CLCN7: variants seen among roughly 807,000 people sequenced by gnomAD.
CLCN7 encodes Cl-/H+ antiporter 7.
CLCN7 carries 60 observed loss-of-function variants against 102.1 expected under a neutral mutation model. The observed-to-expected ratio is 0.59, with a 90% confidence interval of 0.48 to 0.73. The LOEUF (loss-of-function observed/expected upper bound fraction) is 0.73. CLCN7 is among the 30% of genes least tolerant of loss of function. CLCN7 has a pLI of 0.00. For missense variants in CLCN7, 962 were observed against 1,125.7 expected, an observed-to-expected ratio of 0.85 and a Z score of 2.08; for synonymous variants, 560 against 490.5, an observed-to-expected ratio of 1.14 and a Z score of -1.87.
rs1443985715 is a variant in CLCN7 at position 1,446,395 on chromosome 16, A to C, written c.*236T>G. ...TGGAGGTAAAGAAACCTAGACGAGG[A>C]GAGTGGAGGCTGGGCCTGCGCAAGG... is the stretch of plus-strand genomic sequence containing the variant. On this transcript the variant is annotated 3_prime_UTR_variant, in exon 25 of 25. Transcript: ENST00000382745. The C allele has an allele frequency of 1.4e-6, 1 of 702,238 alleles. No individual in the cohort carries two copies. The highest frequency in any genetic ancestry group is 2.6e-6 in the Non-Finnish European group (1 of 384,816). 43.5% of individuals were successfully genotyped at this position (702,238 alleles called of 1,614,324 possible).
In CLCN7 at chr16:1,449,034, C is replaced by T. The variant is rs771604430; in HGVS notation, c.1729G>A (p.Val577Met). 7 of 1,612,888 alleles carry T rather than the reference C, an allele frequency of 4.3e-6. No individual in the cohort carries two copies. Among genetic ancestry groups the T allele is most frequent in the East Asian group, 2.2e-5 (1 of 44,876 alleles). The change falls in exon 19 of 25, where the codon GTG becomes ATG. Residue 577 changes from valine to methionine, a missense_variant. Physicochemically the swap from Val to Met is conservative, Grantham distance 21 (BLOSUM62 1). Around this residue, in one of 2 missense-constraint regions of CLCN7, gnomAD observed 799 missense variants for 988.0 expected, o/e 0.81. Transcript: ENST00000382745. ...AGCATGATGGGGAAGCCGTAGGTCA[C>T]GTTGCTGGTGGCCTCCATCATGATG... ...TVIMMEATSNVTYGFPIMLVL... is the reference protein window; with the variant it reads ...TVIMMEATSNMTYGFPIMLVL...
intron 21 of CLCN7, 67 bp from the exon 22 acceptor site, chr16:1,447,781 C>T (rs1371474603): frequency 2.8e-5 from 42 of 1,505,390 alleles, no homozygotes; most frequent in African/African-American, 4.2e-5. Context: ...AATGCTGTGT[C>T]GGGCCCCGCT....
In CLCN7 at chr16:1,446,671, C is replaced by A; in HGVS notation, c.2378G>T (p.Gly793Val). ...TRKDLARYRLGKRGLEELSLA... is the reference protein window; with the variant it reads ...TRKDLARYRLVKRGLEELSLA... Reference sequence around the variant, plus strand: ...CGAGAGCTCCTCCAAGCCTCTCTTTCCCAGGCGGTACCTGGCGAGGTCCTT... The same window carrying A: ...CGAGAGCTCCTCCAAGCCTCTCTTTACCAGGCGGTACCTGGCGAGGTCCTT... Residue 793 changes from glycine to valine, a missense_variant, in exon 25 of 25, where the codon GGA (glycine) becomes GTA (valine). Coordinates refer to ENST00000382745, the MANE Select transcript of CLCN7 (RefSeq NM_001287.6). 1 of 1,586,686 alleles carries A rather than the reference C, an allele frequency of 6.3e-7. No homozygotes were observed. Among genetic ancestry groups the A allele is most frequent in the Admixed American group, 1.7e-5 (1 of 57,424 alleles).
intron 14 of CLCN7, among the ~76,000 whole-genome samples, chr16:1,453,390 A>G (rs1318613529): frequency 2.0e-5 from 3 of 152,186 alleles, no homozygotes; most frequent in Non-Finnish European, 1.5e-5. Context: ...ACTCCTCGGC[A>G]GCAACTTCTC....
At chr16:1,451,602 A>G (rs1275713950) in intron 16 of CLCN7, 21 bp downstream of exon 16, 1 of 1,603,962 alleles carries the variant, frequency 6.2e-7, no homozygotes, top group Admixed American at 1.7e-5. Context: ...GGGCCTGCCC[A>G]GCGGCACTGC....
At chr16:1,470,239 C>T (rs1418077175) in intron 1 of CLCN7, among the ~76,000 whole-genome samples, 1 of 152,236 alleles carries the variant, frequency 6.6e-6, no homozygotes, top group East Asian at 1.9e-4. Context: ...TCAAATAATC[C>T]TTCCGCCTTG....
In CLCN7 at chr16:1,449,300, G is replaced by A; in HGVS notation, c.1645C>T (p.Leu549=). The stretch of plus-strand genomic sequence containing the variant: ...CCCAGCTGGGCAGCAGCTCCCATCA[G>A]GGCGTATTTGCCGGGGTCCGCCCAG... ...AIWADPGKYA[L]MGAAAQLGGI... Residue 549 remains leucine (L), a synonymous_variant, in exon 18 of 25, where the codon CTG becomes TTG. Transcript: ENST00000382745. 1.9e-6 allele frequency: 3 copies of A among 1,589,038 alleles called. No individual in the cohort carries two copies. The highest frequency in any genetic ancestry group is 2.6e-6 in the Non-Finnish European group (3 of 1,168,072).
chr16:1,454,867 G>A (rs964227368), intron 12 of CLCN7, among the ~76,000 whole-genome samples: 2 of 152,202 alleles, frequency 1.3e-5, no homozygotes, highest in Non-Finnish European at 2.9e-5. Flanking sequence ...GCTGCTGCAC[G>A]TGCCCCCAGG....
At chr16:1,450,245 G>A (rs993965673) in intron 17 of CLCN7, 7 of 562,312 alleles carry the variant, frequency 1.2e-5, no homozygotes, top group Non-Finnish European at 2.2e-5. Context: ...CAAGAATAAG[G>A]ACACGAGCCT....
At chr16:1,455,047 A>G in intron 12 of CLCN7, 87 bp downstream of exon 12, 4 of 846,792 alleles carry the variant, frequency 4.7e-6, no homozygotes, top group Non-Finnish European at 8.3e-6. Context: ...AGTTTTCTAA[A>G]GGACCAAATT....
chr16:1,468,974 C>T (rs901497488), intron 1 of CLCN7, among the ~76,000 whole-genome samples: 13 of 150,722 alleles, frequency 8.6e-5, no homozygotes, highest in African/African-American at 2.7e-4. Context: ...GCAGATCACC[C>T]GAGGTCAGGA....
intron 11 of CLCN7, 129 bp downstream of exon 11, chr16:1,455,602 G>T (rs2038822640): frequency 2.0e-6 from 2 of 1,004,696 alleles, no homozygotes; most frequent in Non-Finnish European, 3.1e-6. Context: ...CAGGACCAAG[G>T]CCTGACAGAC....
Position 1,456,200 on chromosome 16 carries a change from C to T in CLCN7, c.829G>A (p.Glu277Lys). Residue 277 changes from glutamate (E) to lysine (K), a missense_variant, in exon 10 of 25, where the codon GAG becomes AAG. Around this residue, in one of 2 missense-constraint regions of CLCN7, gnomAD observed 799 missense variants for 988.0 expected, o/e 0.81. Transcript: ENST00000382745. ...TSLKRDFKIF[E>K]YFRRDTEKRD... ...TTCTCTGTGTCTCTGCGGAAGTACT[C>T]GAAGATCTGCAACAGGGACAGACCA... 6.4e-7 allele frequency: 1 copy of T among 1,563,974 alleles called. No homozygotes were observed. Among genetic ancestry groups the T allele is most frequent in the Non-Finnish European group, 8.7e-7 (1 of 1,153,452 alleles).
chr16:1,460,941 C>CG lies in CLCN7; in HGVS notation c.358dup (p.Arg120ProfsTer26). On this transcript the variant is annotated frameshift_variant, in exon 5 of 25. Coordinates refer to ENST00000382745, the MANE Select transcript of CLCN7 (RefSeq NM_001287.6). LOFTEE classifies it high-confidence loss of function. ...GACCCAGCGCTTGATCTCCACCGTC[C>CG]GGAAGGCCTGCAGGGCGCGGTCAGG... is the stretch of plus-strand genomic sequence containing the variant. The CG allele has an allele frequency of 6.2e-7, 1 of 1,613,404 alleles. No individual in the cohort carries two copies. Among genetic ancestry groups the CG allele is most frequent in the Non-Finnish European group, 8.5e-7 (1 of 1,179,906 alleles).
intron 13 of CLCN7, 47 bp from the exon 14 acceptor site, chr16:1,453,941 G>A (rs377643089): frequency 1.4e-5 from 22 of 1,587,476 alleles, no homozygotes; most frequent in Middle Eastern, 1.7e-4. Flanking sequence ...GGAAAAGTGC[G>A]GGCCTCCGCC....
chr16:1,463,149 G>A (rs967078101), intron 2 of CLCN7, among the ~76,000 whole-genome samples: 1 of 151,944 alleles, frequency 6.6e-6, no homozygotes, highest in African/African-American at 2.4e-5. Context: ...AGAGAGAGAG[G>A]GAGGGTATGA....
chr16:1,455,187 T>C lies in CLCN7; in HGVS notation c.1045A>G (p.Met349Val), dbSNP rs2038815370. Residue 349 changes from methionine to valine, a missense_variant, in exon 12 of 25, where the codon ATG becomes GTG. Transcript: ENST00000382745. ...NFVLSIYHGN[M>V]WDLSSPGLIN... Reference sequence around the variant, plus strand: ...AGGCCTGGGCTGGACAGGTCCCACATGTTCCCGTGGTAAATGCTCAGAACA... The same window carrying C: ...AGGCCTGGGCTGGACAGGTCCCACACGTTCCCGTGGTAAATGCTCAGAACA... 1.2e-6 allele frequency: 2 copies of C among 1,613,954 alleles called. No homozygotes were observed. Among genetic ancestry groups the C allele is most frequent in the Non-Finnish European group, 1.7e-6 (2 of 1,179,928 alleles).
intron 13 of CLCN7, among the ~76,000 whole-genome samples, chr16:1,454,115 C>T (rs1405857383): frequency 2.0e-5 from 3 of 152,260 alleles, no homozygotes; most frequent in Non-Finnish European, 4.4e-5. Flanking sequence ...CAAAGGTGTC[C>T]AGCAGAGCAA....
chr16:1,459,580 T>C (rs12929660), intron 6 of CLCN7, among the ~76,000 whole-genome samples: 4 of 36,462 alleles, frequency 1.1e-4, no homozygotes, highest in African/African-American at 3.7e-4. Context: ...TGTCGGGGCC[T>C]CAGGGAAGGG....
Sources: gnomAD v4.1 joint callset for allele counts (sites outside exome capture counted in the v4.1 genomes callset) on GRCh38, gnomAD v4.1.1 for gene constraint, gnomAD v4.1.1 regional missense constraint, MANE v1.5 for transcripts, NCBI Gene and HGNC (gene_info 2026-07-23, HGNC 2026-07-21) for gene names.